Variants in MEG3 observed in about 807,000 individuals in gnomAD.
MEG3 encodes Very putative protein from MEG3 locus.
intron 2 of MEG3, among the ~76,000 whole-genome samples, chr14:100,842,163 G>A (rs563806931): frequency 5.8e-4 from 88 of 152,280 alleles, no homozygotes; most frequent in African/African-American, 2.0e-3. Context: ...GACCTTGGTT[G>A]CTACAATACC....
At chr14:100,826,742 G>T (rs1408171268) in intron 1 of MEG3, among the ~76,000 whole-genome samples, 1 of 152,164 alleles carries the variant, frequency 6.6e-6, no homozygotes, top group African/African-American at 2.4e-5. Context: ...AGGAGTGGAG[G>T]TTCCTCTTCG....
Position 100,845,365 on chromosome 14 carries a change from C to T in MEG3, n.3046-93C>T. On this transcript the variant is annotated intron_variant and non_coding_transcript_variant, in intron 2 of 3. Coordinates refer to the MEG3 transcript ENST00000398461. The surrounding 1 kb of genome is among the most constrained non-coding windows in gnomAD (Gnocchi z 5.2). ...AGTCTCTGCTCCAGGCCACCCCTGC[C>T]CGCCCCCCAGAGCTGTTGTCCTCAT... 5.3e-6 allele frequency: 2 copies of T among 374,438 alleles called. No homozygotes were observed. The highest frequency in any genetic ancestry group is 1.1e-5 in the Non-Finnish European group (2 of 186,190). The allele number at this position is 374,438 out of a possible 1,614,324, so 23.2% of individuals were successfully genotyped here.
intron 2 of MEG3, among the ~76,000 whole-genome samples, chr14:100,839,918 G>A (rs1254533347): frequency 1.3e-5 from 2 of 151,058 alleles, no homozygotes; most frequent in African/African-American, 4.9e-5. Flanking sequence ...TGAGGCCAGG[G>A]CCTGGGCCCT....
At chr14:100,857,427 C>G (rs2038275087) in exon 1 of MEG3, 1 of 152,168 alleles carries the variant, frequency 6.6e-6, no homozygotes, top group South Asian at 2.1e-4. Context: ...CTGGCTTTCC[C>G]TGGGAATGGG....
chr14:100,852,440 G>A (rs1228867194), upstream of MEG3: 3 of 533,948 alleles, frequency 5.6e-6, no homozygotes, highest in South Asian at 4.2e-5. Flanking sequence ...CACATGAGCT[G>A]GGCCTCGTGG....
chr14:100,849,284 TAACA>T (rs1233726153), intron 3 of MEG3: 1 of 151,546 alleles, frequency 6.6e-6, no homozygotes, highest in Non-Finnish European at 1.5e-5. Context: ...GGGGAGAAAT[TAACA>T]AACAAAAGAC....
intron 2 of MEG3, among the ~76,000 whole-genome samples, chr14:100,840,482 T>G (rs1024626963): frequency 1.4e-5 from 2 of 144,754 alleles, no homozygotes; most frequent in African/African-American, 2.6e-5. Flanking sequence ...AATGCGCCCT[T>G]TCAATGGAAG....
At chr14:100,859,396 C>T (rs1595313307) in exon 1 of MEG3, 2 of 152,266 alleles carry the variant, frequency 1.3e-5, no homozygotes, top group East Asian at 1.9e-4. Flanking sequence ...AAAACTTCAT[C>T]TGGACCAACA....
chr14:100,847,875 C>T (rs1364307108), intron 3 of MEG3: 1 of 152,124 alleles, frequency 6.6e-6, no homozygotes, highest in African/African-American at 2.4e-5. Flanking sequence ...ATAAGGGCAC[C>T]TGACTCCACT....
chr14:100,832,365 C>T (rs565719636), downstream of MEG3: 1 of 152,270 alleles, frequency 6.6e-6, no homozygotes, highest in East Asian at 1.9e-4. Flanking sequence ...CTCCCTACCG[C>T]CCCCTTTGCT....
At chr14:100,828,079 G>T (rs1192722649) in intron 1 of MEG3, among the ~76,000 whole-genome samples, 2 of 152,052 alleles carry the variant, frequency 1.3e-5, no homozygotes, top group East Asian at 3.9e-4. Context: ...CGTCCAGGGG[G>T]CGTAGCGACC....
intron 1 of MEG3, among the ~76,000 whole-genome samples, chr14:100,826,693 G>A (rs1019458449): frequency 1.1e-4 from 17 of 152,300 alleles, no homozygotes; most frequent in African/African-American, 2.2e-4. Context: ...TATTTGCCTC[G>A]CCAGCTGTTG....
chr14:100,835,962 A>T (rs1047055717), intron 1 of MEG3: 5 of 330,536 alleles, frequency 1.5e-5, no homozygotes, highest in Non-Finnish European at 2.3e-5. Context: ...CTTGCTCCCC[A>T]CTCAGTTCTG....
At chr14:100,831,237 C>T (rs945528021), downstream of MEG3, 2 of 153,032 alleles carry the variant, frequency 1.3e-5, no homozygotes, top group African/African-American at 4.8e-5. Flanking sequence ...AGATTGGGCC[C>T]CACTGGATCA....
At chr14:100,835,946 C>T (rs10146872) in intron 1 of MEG3, 22,940 of 328,500 alleles carry the variant, frequency 0.07, 1,589 homozygotes, top group African/African-American at 0.23. Context: ...CTGCCCCGCC[C>T]GGTCCCTTGC....
rs1162521777 is a variant in MEG3 at position 100,837,859 on chromosome 14, G to A, written n.3045+1559G>A. ...GGCAGAGGCGCTCTAACCTGGGGCT[G>A]TTGCCTTTGTCTGCTTGTTTCTGCT... On this transcript the variant is annotated intron_variant and non_coding_transcript_variant, in intron 2 of 3. Transcript: ENST00000398461. The surrounding 1 kb of genome is among the most constrained non-coding windows in gnomAD (Gnocchi z 5.8). Among the ~76,000 whole-genome samples the A allele has an allele frequency of 6.6e-6, 1 of 152,098 alleles. No individual in the cohort carries two copies. Among genetic ancestry groups the A allele is most frequent in the Non-Finnish European group, 1.5e-5 (1 of 68,020 alleles).
In MEG3 at chr14:100,840,952, A is replaced by G. The variant is rs1020752768; in HGVS notation, n.3046-4506A>G. 4.6e-5 allele frequency among the ~76,000 whole-genome samples: 7 copies of G among 152,330 alleles called. No homozygotes were observed. The East Asian group carries it at 1.4e-3, about 29-fold the overall frequency. ...AGCCCTTTCTCTGGGCCTTCCTGGC[A>G]GTGGACATAGAGTGATTCCCTACTC... is the stretch of plus-strand genomic sequence containing the variant. On this transcript the variant is annotated intron_variant and non_coding_transcript_variant, in intron 2 of 3. Transcript: ENST00000398461.
chr14:100,833,395 G>A (rs1225856851), downstream of MEG3: 1 of 152,170 alleles, frequency 6.6e-6, no homozygotes, highest in Non-Finnish European at 1.5e-5. Context: ...GAGTAGCTGG[G>A]ATTACAGGCG....
chr14:100,850,635 A>T (rs929308255), intron 3 of MEG3: 25 of 152,110 alleles, frequency 1.6e-4, no homozygotes, highest in African/African-American at 6.0e-4. Flanking sequence ...AAGGAGAAAG[A>T]ACCAGAGAAA....
Sources: allele counts gnomAD v4.1 joint callset (sites outside exome capture counted in the v4.1 genomes callset), GRCh38; gene constraint gnomAD v4.1.1; non-coding constraint Gnocchi (gnomAD v3.1); transcripts MANE v1.5; gene names NCBI Gene and HGNC (gene_info 2026-07-23, HGNC 2026-07-21).